The following LRRC23 variants were observed in gnomAD, a reference collection of about 807,000 sequenced individuals.
The protein encoded by LRRC23 is leucine-rich repeat-containing protein 23.
In LRRC23, 28 loss-of-function variants were observed where a neutral mutation model predicts 37.7. That is an observed-to-expected ratio of 0.74 (90% CI 0.55 to 1.02). The LOEUF (loss-of-function observed/expected upper bound fraction) is 1.02, where lower values mean the gene tolerates loss of function less well. Ranked by LOEUF, LRRC23 falls within the 50% of genes least tolerant of loss-of-function variation. The probability of loss-of-function intolerance (pLI) is 0.00; values close to 1 mark genes in which losing one functional copy is unlikely to be tolerated. For synonymous variants in LRRC23, 161 were observed against 165.4 expected (o/e 0.97, Z 0.20); for missense variants, 377 against 413.2 (o/e 0.91, Z 0.76).
Position 6,909,931 on chromosome 12 carries a change from G to A in LRRC23, c.663G>A (p.Leu221=). ...AGAAGGTGGAAGGCTTGGAGGATCT[G>A]AGCAATCTCACCACCTTGCATCTTC... is the stretch of plus-strand genomic sequence containing the variant. The part of the protein sequence containing the change: ...MLKKVEGLED[L]SNLTTLHLRD... Residue 221 remains leucine, a synonymous_variant, in exon 6 of 8, where the codon CTG becomes CTA. Transcript: ENST00000443597. The A allele has an allele frequency of 6.2e-7, 1 of 1,613,804 alleles. No homozygotes were observed. Among genetic ancestry groups the A allele is most frequent in the Non-Finnish European group, 8.5e-7 (1 of 1,179,900 alleles).
At chr12:6,908,865 G>T (rs1305773407) in intron 5 of LRRC23, among the ~76,000 whole-genome samples, 1 of 143,406 alleles carries the variant, frequency 7.0e-6, no homozygotes, top group Non-Finnish European at 1.5e-5. Flanking sequence ...AAGAGGGAGT[G>T]GGGGGAAAGA....
chr12:6,913,839 A>C lies in LRRC23; in HGVS notation c.*25-52A>C, dbSNP rs1591649088. The C allele has an allele frequency of 5.0e-6, 7 of 1,389,720 alleles. No homozygotes were observed. The East Asian group carries it at 1.7e-4, about 33-fold the overall frequency. The allele number at this position is 1,389,720 out of a possible 1,614,324, so 86.1% of individuals were successfully genotyped here. ...CCGCCTTCCAAAGTGCTGGGATTACAGGGGTGAGCCACAGCGCCTGGTCCC... is the reference window on the plus strand; with the variant it reads ...CCGCCTTCCAAAGTGCTGGGATTACCGGGGTGAGCCACAGCGCCTGGTCCC... On this transcript the variant is annotated intron_variant, in intron 7 of 7. Coordinates refer to ENST00000443597, the MANE Select transcript of LRRC23 (RefSeq NM_001135217.2).
Position 6,912,968 on chromosome 12 carries a change from C to G in LRRC23, c.997C>G (p.Gln333Glu). 6.2e-7 allele frequency: 1 copy of G among 1,614,084 alleles called. No homozygotes were observed. The highest frequency in any genetic ancestry group is 8.5e-7 in the Non-Finnish European group (1 of 1,180,024). Residue 333 changes from glutamine (Q) to glutamate (E), a missense_variant, in exon 7 of 8, where the codon CAG becomes GAG. Around this residue, in one of 3 missense-constraint regions of LRRC23, gnomAD observed 266 missense variants for 285.6 expected, o/e 0.93. Transcript: ENST00000443597. The part of the protein sequence containing the change: ...KEEKEQEPEP[Q>E]RDLEPEQSLI ...AGAAAAGGAGCAGGAGCCTGAGCCC[C>G]AGCGTGACCTGGAACCCGAACAGTC...
chr12:6,909,312 G>T (rs1369369833), intron 5 of LRRC23, among the ~76,000 whole-genome samples: 1 of 2,984 alleles, frequency 3.4e-4, no homozygotes, highest in African/African-American at 3.0e-3. Flanking sequence ...ATATATAATA[G>T]TATATATTAT....
At chr12:6,910,750 T>C (rs782162709) in intron 6 of LRRC23, among the ~76,000 whole-genome samples, 1 of 151,792 alleles carries the variant, frequency 6.6e-6, no homozygotes, top group Non-Finnish European at 1.5e-5. Flanking sequence ...AATTAAAATA[T>C]TAAATTAAAA....
Position 6,912,774 on chromosome 12 carries a change from A to T in LRRC23, c.803A>T (p.Asp268Val), listed in dbSNP as rs1945194139. ...ANLGELAKLR[D>V]LPKLRALVLL... Reference sequence around the variant, plus strand: ...CTGGGGGAGCTGGCCAAGCTTCGAGACCTGCCCAAGCTGCGAGCGTTGGTG... The same window carrying T: ...CTGGGGGAGCTGGCCAAGCTTCGAGTCCTGCCCAAGCTGCGAGCGTTGGTG... Residue 268 changes from aspartate (D) to valine (V), a missense_variant, in exon 7 of 8, where the codon GAC (aspartate) becomes GTC (valine). Transcript: ENST00000443597. 3 of 1,614,092 alleles carry T rather than the reference A, an allele frequency of 1.9e-6. 1 individual carries two copies. The South Asian group carries it at 3.3e-5, about 18-fold the overall frequency.
Position 6,909,884 on chromosome 12 carries a change from G to T in LRRC23, c.622-6G>T, listed in dbSNP as rs746780982. 1.1e-5 allele frequency: 17 copies of T among 1,609,586 alleles called. No individual in the cohort carries two copies. The highest frequency in any genetic ancestry group is 1.4e-5 in the Non-Finnish European group (17 of 1,177,756). On this transcript the variant is annotated splice_polypyrimidine_tract_variant and splice_region_variant and intron_variant, in intron 5 of 7. Coordinates refer to ENST00000443597, the MANE Select transcript of LRRC23 (RefSeq NM_001135217.2). ...TCAATCAATCCACTGTGCCCTGGGGGTCTAGGCCCAAAACATGCTGAAGAA... is the reference window on the plus strand; with the variant it reads ...TCAATCAATCCACTGTGCCCTGGGGTTCTAGGCCCAAAACATGCTGAAGAA...
At chr12:6,913,469 G>T (rs1187571386) in intron 7 of LRRC23, among the ~76,000 whole-genome samples, 2 of 150,748 alleles carry the variant, frequency 1.3e-5, no homozygotes, top group Admixed American at 6.6e-5. Flanking sequence ...AAGAAAAGAG[G>T]GCAGAGTGAG....
chr12:6,910,669 C>A (rs1327643277), intron 6 of LRRC23, among the ~76,000 whole-genome samples: 4 of 152,076 alleles, frequency 2.6e-5, no homozygotes, highest in African/African-American at 9.7e-5. Flanking sequence ...GATAAAGCCG[C>A]TGCACTCCAG....
At chr12:6,910,060 AC>A in intron 6 of LRRC23, 34 bp downstream of exon 6, 1 of 1,567,986 alleles carries the variant, frequency 6.4e-7, no homozygotes, top group Admixed American at 1.8e-5. Context: ...CCTTGCCCCT[AC>A]CCCTGACCAG....
chr12:6,911,995 C>T (rs1945171211), intron 6 of LRRC23, among the ~76,000 whole-genome samples: 2 of 152,250 alleles, frequency 1.3e-5, no homozygotes, highest in South Asian at 4.1e-4. Context: ...CATAGTGAGA[C>T]CCTGTCTCAA....
In LRRC23 at chr12:6,913,351, G is replaced by A. The variant is rs1591647357; in HGVS notation, c.*24+324G>A. On this transcript the variant is annotated intron_variant, in intron 7 of 7. Coordinates refer to ENST00000443597, the MANE Select transcript of LRRC23 (RefSeq NM_001135217.2). ...GGACAGGTGTGGGTGCATGGTAGGGGCTGCAGGGGAAAGTTGGTGGTGTAT... is the reference window on the plus strand; with the variant it reads ...GGACAGGTGTGGGTGCATGGTAGGGACTGCAGGGGAAAGTTGGTGGTGTAT... The A allele has an allele frequency of 1.0e-5, 3 of 299,710 alleles. No homozygotes were observed. The East Asian group carries it at 2.1e-4, about 21-fold the overall frequency. 18.6% of individuals were successfully genotyped at this position (299,710 alleles called of 1,614,324 possible).
intron 6 of LRRC23, 61 bp downstream of exon 6, chr12:6,910,087 C>T: frequency 6.6e-7 from 1 of 1,503,860 alleles, no homozygotes; most frequent in Non-Finnish European, 9.0e-7. Flanking sequence ...GCTTTTGAGT[C>T]TGTGTTCTTC....
intron 7 of LRRC23, 22 bp downstream of exon 7, chr12:6,913,049 C>T: frequency 1.2e-6 from 2 of 1,602,894 alleles, no homozygotes; most frequent in South Asian, 1.1e-5. Context: ...TGCAGGGAGG[C>T]AGTGGGAGGA....
At position 6,914,018 on chromosome 12, in the gene LRRC23, A is replaced by T. The variant is rs1056865389; in HGVS notation, c.*152A>T. ...AATTCATCACAACCTGAGGCCCAGG[A>T]TCTGCTCTGTGCCGGTCCTCTGGGC... is the stretch of plus-strand genomic sequence containing the variant. On this transcript the variant is annotated 3_prime_UTR_variant, in exon 8 of 8. Coordinates refer to ENST00000443597, the MANE Select transcript of LRRC23 (RefSeq NM_001135217.2). This position sits in a 1 kb window ranked among gnomAD's most constrained non-coding sequence, Gnocchi z 7.1. 14 of 1,613,442 alleles carry T rather than the reference A, an allele frequency of 8.7e-6. No individual in the cohort carries two copies. In the African/African-American group the frequency reaches 1.7e-4, roughly 20 times the overall value.
At chr12:6,907,522 C>A in intron 5 of LRRC23, 77 bp downstream of exon 5, 1 of 1,403,848 alleles carries the variant, frequency 7.1e-7, no homozygotes, top group Non-Finnish European at 1.0e-6. Context: ...TTCTAGTAGG[C>A]TCAGCTACTA....
In LRRC23 at chr12:6,906,439, C is replaced by G. The variant is rs1376950206; in HGVS notation, c.267C>G (p.Ser89=). The G allele has an allele frequency of 1.2e-6, 2 of 1,614,016 alleles. No individual in the cohort carries two copies. The highest frequency in any genetic ancestry group is 1.7e-6 in the Non-Finnish European group (2 of 1,180,026). ...TGACAGACATCTACTTGCTGCGCTC[C>G]TACATCCATCTGCGCTATGTGGATA... ...RDLTDIYLLR[S]YIHLRYVDIS... Residue 89 remains serine, a synonymous_variant, in exon 4 of 8, where the codon TCC becomes TCG. Coordinates refer to ENST00000443597, the MANE Select transcript of LRRC23 (RefSeq NM_001135217.2).
chr12:6,909,250 T>A (rs181893396), intron 5 of LRRC23, among the ~76,000 whole-genome samples: 5 of 48 alleles, frequency 0.1, 1 homozygote, highest in South Asian at 0.67. Flanking sequence ...AATTATATAT[T>A]ATATATAATT....
intron 1 of LRRC23, 135 bp from the exon 2 acceptor site, chr12:6,905,450 T>G: frequency 3.5e-6 from 2 of 566,208 alleles, no homozygotes; most frequent in Non-Finnish European, 6.4e-6. Context: ...AGAATCAAAA[T>G]GAGATGTTCA....
Sources: allele counts gnomAD v4.1 joint callset (sites outside exome capture counted in the v4.1 genomes callset), GRCh38; gene constraint gnomAD v4.1.1; regional missense constraint gnomAD v4.1.1; non-coding constraint Gnocchi (gnomAD v3.1); transcripts MANE v1.5; gene names NCBI Gene and HGNC (gene_info 2026-07-23, HGNC 2026-07-21).